Variants in BMAL2 observed in about 807,000 individuals in gnomAD.
BMAL2 encodes the protein basic helix-loop-helix ARNT-like protein 2.
the BMAL2 span, chr12:27,422,664 A>T: frequency 6.6e-6 from 1 of 152,384 alleles, no homozygotes; most frequent in South Asian, 2.1e-4. Flanking sequence ...GGTGTGCAGC[A>T]GCCTAAGTGT....
the BMAL2 span, among the ~76,000 whole-genome samples, chr12:27,376,736 T>C: frequency 4.6e-5 from 7 of 152,148 alleles, no homozygotes; most frequent in East Asian, 1.2e-3. Context: ...CGCAGTGGCT[T>C]ACACCTGTAA....
chr12:27,360,819 A>AAAAAAAC, the BMAL2 span, among the ~76,000 whole-genome samples: 1 of 149,836 alleles, frequency 6.7e-6, no homozygotes, highest in Non-Finnish European at 1.5e-5. Context: ...AAAAAAAAAA[A>AAAAAAAC]AAAAAACAGT....
the BMAL2 span, among the ~76,000 whole-genome samples, chr12:27,391,452 A>AG: frequency 0.029 from 4,348 of 152,300 alleles, 96 homozygotes; most frequent in Non-Finnish European, 0.046. Flanking sequence ...ATGGGCACCT[A>AG]GGCAGATTTC....
chr12:27,393,536 G>T, the BMAL2 span, among the ~76,000 whole-genome samples: 1 of 152,198 alleles, frequency 6.6e-6, no homozygotes, highest in Non-Finnish European at 1.5e-5. Flanking sequence ...GGGATGCCCT[G>T]GACAGCAGTG....
chr12:27,380,359 C>T, the BMAL2 span: 2 of 1,614,152 alleles, frequency 1.2e-6, no homozygotes, highest in East Asian at 4.5e-5. Flanking sequence ...ACTGGACAAA[C>T]TTACAGTTTT....
the BMAL2 span, among the ~76,000 whole-genome samples, chr12:27,359,271 AAC>A: frequency 1.3e-5 from 2 of 152,326 alleles, no homozygotes; most frequent in Admixed American, 6.5e-5. Flanking sequence ...AGAACAATGA[AAC>A]ACAGTGTGGC....
the BMAL2 span, chr12:27,385,642 T>TC: frequency 1.1e-6 from 1 of 923,876 alleles, no homozygotes; most frequent in Non-Finnish European, 1.7e-6. Flanking sequence ...TCCATTTGCT[T>TC]CCTGTTCTAA....
the BMAL2 span, among the ~76,000 whole-genome samples, chr12:27,393,290 ATACATTTTAAAT>A: frequency 6.6e-6 from 1 of 152,202 alleles, no homozygotes; most frequent in Non-Finnish European, 1.5e-5. Context: ...CACTGAATAA[ATACATTTTAAAT>A]TATACCTTTA....
the BMAL2 span, among the ~76,000 whole-genome samples, chr12:27,385,964 C>A: frequency 1.3e-5 from 2 of 152,086 alleles, no homozygotes; most frequent in African/African-American, 4.8e-5. Flanking sequence ...CATTTCCGTC[C>A]TCATCATTCC....
the BMAL2 span, among the ~76,000 whole-genome samples, chr12:27,411,310 T>A: frequency 2.6e-5 from 4 of 151,126 alleles, no homozygotes; most frequent in South Asian, 2.1e-4. Context: ...TTAGTACATT[T>A]AAAAAAAATA....
At chr12:27,413,000 GAA>G in the BMAL2 span, among the ~76,000 whole-genome samples, 7 of 137,516 alleles carry the variant, frequency 5.1e-5, no homozygotes, top group Admixed American at 1.5e-4. Flanking sequence ...GTGCTGCAAG[GAA>G]AAAAAAAAAA....
the BMAL2 span, among the ~76,000 whole-genome samples, chr12:27,420,080 A>C: frequency 6.7e-6 from 1 of 150,270 alleles, no homozygotes; most frequent in African/African-American, 2.5e-5. Context: ...GCTTCCTTCC[A>C]GCTCTCTGAG....
the BMAL2 span, among the ~76,000 whole-genome samples, chr12:27,335,716 G>C: frequency 1.3e-5 from 2 of 151,904 alleles, no homozygotes; most frequent in Admixed American, 1.3e-4. Flanking sequence ...GAAGGAAAGA[G>C]AGAAAGAGTG....
At chr12:27,396,777 A>G in the BMAL2 span, among the ~76,000 whole-genome samples, 1 of 152,228 alleles carries the variant, frequency 6.6e-6, no homozygotes, top group Admixed American at 6.5e-5. Context: ...CCAAATGCAC[A>G]GGCCTAAGCA....
chr12:27,355,823 GT>G, the BMAL2 span, among the ~76,000 whole-genome samples: 3 of 152,168 alleles, frequency 2.0e-5, no homozygotes, highest in African/African-American at 7.2e-5. Context: ...ATGCATTTTA[GT>G]TTATGGAGCC....
chr12:27,415,245 C>T, the BMAL2 span, among the ~76,000 whole-genome samples: 3 of 152,202 alleles, frequency 2.0e-5, no homozygotes, highest in Non-Finnish European at 4.4e-5. Context: ...CACATACACA[C>T]AGGTAACTGT....
chr12:27,423,980 G>A, the BMAL2 span: 1 of 152,154 alleles, frequency 6.6e-6, no homozygotes, highest in Non-Finnish European at 1.5e-5. Flanking sequence ...ACCAGATTTT[G>A]AAGACTAGTA....
the BMAL2 span, among the ~76,000 whole-genome samples, chr12:27,368,835 G>A: frequency 1.1e-3 from 169 of 152,230 alleles, no homozygotes; most frequent in South Asian, 0.022. Flanking sequence ...TATAAAATTC[G>A]TGCTTTCCCT....
the BMAL2 span, among the ~76,000 whole-genome samples, chr12:27,378,475 G>C: frequency 6.6e-6 from 1 of 152,218 alleles, no homozygotes; most frequent in Non-Finnish European, 1.5e-5. Flanking sequence ...GCCTGGTAAA[G>C]AGCAAGGCAT....
Sources: gnomAD v4.1 joint callset for allele counts (sites outside exome capture counted in the v4.1 genomes callset) on GRCh38, gnomAD v4.1.1 for gene constraint, MANE v1.5 for transcripts, NCBI Gene and HGNC (gene_info 2026-07-23, HGNC 2026-07-21) for gene names.